MCIDAS: variants seen among roughly 807,000 people sequenced by gnomAD.
MCIDAS encodes the protein multiciliate differentiation and DNA synthesis associated cell cycle protein, also known as multicilin.
MCIDAS carries 23 observed loss-of-function variants against 35.4 expected under a neutral mutation model. The ratio of observed to expected loss-of-function variants is 0.65; its 90% CI spans 0.47 to 0.92. MCIDAS has a LOEUF of 0.92. Among genes scored for constraint, MCIDAS ranks in the 40% least tolerant of loss-of-function variants. The pLI is 0.00. For synonymous variants in MCIDAS, 228 were observed against 235.2 expected, an observed-to-expected ratio of 0.97 and a Z score of 0.28; for missense variants, 480 against 531.8, an observed-to-expected ratio of 0.90 and a Z score of 0.96.
chr5:55,222,520 CT>C, intron 4 of MCIDAS, 121 bp from the exon 5 acceptor site: 2 of 813,124 alleles, frequency 2.5e-6, no homozygotes, highest in Non-Finnish European at 3.7e-6. Context: ...ATTAAGCACC[CT>C]TACTCCTAAA....
intron 3 of MCIDAS, among the ~76,000 whole-genome samples, chr5:55,225,953 T>C (rs1364035597): frequency 3.3e-5 from 5 of 152,164 alleles, no homozygotes; most frequent in African/African-American, 1.2e-4. Flanking sequence ...TTTTGCCCCA[T>C]CACGGCAAGT....
chr5:55,221,610 C>T (rs1381412604), intron 5 of MCIDAS, among the ~76,000 whole-genome samples: 1 of 152,138 alleles, frequency 6.6e-6, no homozygotes, highest in East Asian at 1.9e-4. Context: ...TCTAAATCCC[C>T]CCAAATAAAA....
At chr5:55,225,637 C>T (rs1011503240) in intron 3 of MCIDAS, among the ~76,000 whole-genome samples, 2 of 152,218 alleles carry the variant, frequency 1.3e-5, no homozygotes, top group African/African-American at 4.8e-5. Flanking sequence ...AGTTTTGCTC[C>T]ACCAGCACTC....
In MCIDAS at chr5:55,223,168, C is replaced by T; in HGVS notation, c.310-145G>A. The T allele has an allele frequency of 1.5e-6, 1 of 665,578 alleles. No homozygotes were observed. Among genetic ancestry groups the T allele is most frequent in the South Asian group, 1.9e-5 (1 of 52,016 alleles). The allele number at this position is 665,578 out of a possible 1,614,324, so 41.2% of individuals were successfully genotyped here. A position where few individuals can be genotyped will look rare whatever the true frequency, so the allele number is the denominator to read the frequency against. The stretch of plus-strand genomic sequence containing the variant: ...CTGCACTTGTACCCCTAAGTCCCCC[C>T]AAATAAAACAATTTTTGTGGCGGGT... On this transcript the variant is annotated intron_variant, in intron 3 of 6. Transcript: ENST00000513312. This position sits in a 1 kb window ranked among gnomAD's most constrained non-coding sequence, Gnocchi z 4.4.
At chr5:55,222,763 G>A (rs972365697) in intron 4 of MCIDAS, among the ~76,000 whole-genome samples, 188 bp downstream of exon 4, 8 of 152,154 alleles carry the variant, frequency 5.3e-5, no homozygotes, top group African/African-American at 1.9e-4. Context: ...TAGATCCAGC[G>A]GTTCGACTTC....
intron 4 of MCIDAS, 141 bp downstream of exon 4, chr5:55,222,810 G>C (rs920557236): frequency 1.8e-5 from 13 of 721,734 alleles, no homozygotes; most frequent in African/African-American, 5.3e-5. Flanking sequence ...TATGGAAAAG[G>C]CTGACTCTTT....
intron 3 of MCIDAS, among the ~76,000 whole-genome samples, chr5:55,226,065 G>T (rs1745449056): frequency 6.6e-6 from 1 of 152,178 alleles, no homozygotes; most frequent in Non-Finnish European, 1.5e-5. Flanking sequence ...ATTACTTCCA[G>T]AGTCCTTTGT....
At position 55,222,898 on chromosome 5, in the gene MCIDAS, T is replaced by C. The variant is rs1193228867; in HGVS notation, c.382+53A>G. 15 of 1,479,736 alleles carry C rather than the reference T, an allele frequency of 1.0e-5. No homozygotes were observed. In the Admixed American group the frequency reaches 2.9e-4, roughly 29 times the overall value. The allele number at this position is 1,479,736 out of a possible 1,614,324, so 91.7% of individuals were successfully genotyped here. On this transcript the variant is annotated intron_variant, in intron 4 of 6. Coordinates refer to ENST00000513312, the MANE Select transcript of MCIDAS (RefSeq NM_001190787.3). ...CCACGAAATCTGAACTAGTCTGATTTGGGAGTGGGGGACACCCCCGCTGTT... is the reference window on the plus strand; with the variant it reads ...CCACGAAATCTGAACTAGTCTGATTCGGGAGTGGGGGACACCCCCGCTGTT...
In MCIDAS at chr5:55,223,130, G is replaced by T. The variant is rs1745392965; in HGVS notation, c.310-107C>A. On this transcript the variant is annotated intron_variant, in intron 3 of 6. Coordinates refer to ENST00000513312, the MANE Select transcript of MCIDAS (RefSeq NM_001190787.3). This position sits in a 1 kb window ranked among gnomAD's most constrained non-coding sequence, Gnocchi z 4.4. ...ATCTGGCAGGCACTATGCAATATAT[G>T]CACGTAACACAACTGCACTTGTACC... 1 of 864,220 alleles carries T rather than the reference G, an allele frequency of 1.2e-6. No individual in the cohort carries two copies. Among genetic ancestry groups the T allele is most frequent in the Non-Finnish European group, 1.8e-6 (1 of 546,066 alleles). 53.5% of individuals were successfully genotyped at this position (864,220 alleles called of 1,614,324 possible). A position where few individuals can be genotyped will look rare whatever the true frequency, so the allele number is the denominator to read the frequency against.
At position 55,220,231 on chromosome 5, in the gene MCIDAS, T is replaced by C. The variant is rs181082331; in HGVS notation, c.*135A>G. 84 of 813,142 alleles carry C rather than the reference T, an allele frequency of 1.0e-4. No homozygotes were observed. The Admixed American group carries it at 2.2e-3, about 21-fold the overall frequency. 50.4% of individuals were successfully genotyped at this position (813,142 alleles called of 1,614,324 possible). ...AATGTTTTGTAGCAGAAATTTACAA[T>C]GCATCGGTATCAAGATGCTTTTGTT... On this transcript the variant is annotated 3_prime_UTR_variant, in exon 7 of 7. Coordinates refer to ENST00000513312, the MANE Select transcript of MCIDAS (RefSeq NM_001190787.3).
At chr5:55,226,408 TAGA>T (rs1489865629) in intron 3 of MCIDAS, among the ~76,000 whole-genome samples, 165 bp downstream of exon 3, 1 of 152,120 alleles carries the variant, frequency 6.6e-6, no homozygotes, top group Non-Finnish European at 1.5e-5. Context: ...AGGATGCAAG[TAGA>T]AGTTCTGATC....
In MCIDAS at chr5:55,220,693, G is replaced by A. The variant is rs6879219; in HGVS notation, c.831C>T (p.Cys277=). 935,619 of 1,535,834 alleles carry A rather than the reference G, an allele frequency of 0.61. 289,311 individuals are homozygous for A. The highest frequency in any genetic ancestry group is 0.63 in the Non-Finnish European group (727,637 of 1,146,800). The change falls in exon 7 of 7, where the codon TGC becomes TGT. Residue 277 remains cysteine, a synonymous_variant. Coordinates refer to ENST00000513312, the MANE Select transcript of MCIDAS (RefSeq NM_001190787.3). The part of the protein sequence containing the change: ...EELVSAAGQD[C]AEVDAILREI... The stretch of plus-strand genomic sequence containing the variant: ...CCCTCAGGATGGCGTCCACTTCCGC[G>A]CAATCCTGCCCCGCAGCGCTGACCA...
intron 4 of MCIDAS, 47 bp from the exon 5 acceptor site, chr5:55,222,446 G>T: frequency 7.1e-7 from 1 of 1,416,716 alleles, no homozygotes; most frequent in Non-Finnish European, 9.3e-7. Flanking sequence ...TTCATGCCCA[G>T]CTAGTTACAG....
intron 6 of MCIDAS, 77 bp from the exon 7 acceptor site, chr5:55,220,883 G>A: frequency 6.8e-7 from 1 of 1,466,202 alleles, no homozygotes; most frequent in Non-Finnish European, 9.1e-7. Flanking sequence ...AGGTGACCTA[G>A]GCGCGCTACG....
chr5:55,222,437 T>C, intron 4 of MCIDAS, 38 bp from the exon 5 acceptor site: 2 of 1,435,114 alleles, frequency 1.4e-6, no homozygotes, highest in East Asian at 2.5e-5. Context: ...AGCCTCAAAT[T>C]CATGCCCAGC....
Position 55,222,379 on chromosome 5 carries a change from G to A in MCIDAS, c.403C>T (p.Pro135Ser). The A allele has an allele frequency of 2.0e-6, 3 of 1,517,770 alleles. No homozygotes were observed. Among genetic ancestry groups the A allele is most frequent in the Non-Finnish European group, 2.6e-6 (3 of 1,135,540 alleles). The allele number at this position is 1,517,770 out of a possible 1,614,324, so 94.0% of individuals were successfully genotyped here. Residue 135 changes from proline (P) to serine (S), a missense_variant, in exon 5 of 7, where the codon CCT becomes TCT. Pro to Ser is a moderately conservative substitution (Grantham distance 74, BLOSUM62 -1). Transcript: ENST00000513312. ...GGGAAGTCTCCGCTGGCCAGGGTAG[G>A]CGACATCATAGAGGATGAGTCTGGA... The part of the protein sequence containing the change: ...LISDSSSMMS[P>S]TLASGDFPFS...
In MCIDAS at chr5:55,220,578, G is replaced by T; in HGVS notation, c.946C>A (p.Pro316Thr). The change falls in exon 7 of 7, where the codon CCC (proline) becomes ACC (threonine). Residue 316 changes from proline (P) to threonine (T), a missense_variant. By Grantham distance (38) the Pro-to-Thr change is conservative. Transcript: ENST00000513312. ...LPEPANTDTR[P>T]GNLHGAFRGL... ...CGGAAGGCGCCATGCAGGTTCCCGG[G>T]CCTGGTGTCAGTATTCGCGGGCTCT... is the stretch of plus-strand genomic sequence containing the variant. 3 of 1,536,108 alleles carry T rather than the reference G, an allele frequency of 2.0e-6. No homozygotes were observed. Among genetic ancestry groups the T allele is most frequent in the Non-Finnish European group, 2.6e-6 (3 of 1,146,872 alleles).
chr5:55,225,564 C>T (rs937300186), intron 3 of MCIDAS, among the ~76,000 whole-genome samples: 1 of 152,252 alleles, frequency 6.6e-6, no homozygotes, highest in Non-Finnish European at 1.5e-5. Context: ...TCTCAGCAGC[C>T]ACCTAAACTG....
rs1292783312 is a variant in MCIDAS at position 55,220,099 on chromosome 5, A to C, written c.*267T>G. 2 of 382,496 alleles carry C rather than the reference A, an allele frequency of 5.2e-6. No homozygotes were observed. Among genetic ancestry groups the C allele is most frequent in the Non-Finnish European group, 9.3e-6 (2 of 214,424 alleles). The allele number at this position is 382,496 out of a possible 1,614,324, so 23.7% of individuals were successfully genotyped here. A position where few individuals can be genotyped will look rare whatever the true frequency, so the allele number is the denominator to read the frequency against. Reference sequence around the variant, plus strand: ...CTAAATCCTTCCCTGCTCTAAAAATACATAATTCAAAGCTGCTAAAAATAA... The same window carrying C: ...CTAAATCCTTCCCTGCTCTAAAAATCCATAATTCAAAGCTGCTAAAAATAA... On this transcript the variant is annotated 3_prime_UTR_variant, in exon 7 of 7. Transcript: ENST00000513312.
Sources: allele counts gnomAD v4.1 joint callset (sites outside exome capture counted in the v4.1 genomes callset), GRCh38; gene constraint gnomAD v4.1.1; non-coding constraint Gnocchi (gnomAD v3.1); transcripts MANE v1.5; gene names NCBI Gene and HGNC (gene_info 2026-07-23, HGNC 2026-07-21).